Variants in KCNAB1 observed in about 807,000 individuals in gnomAD.
KCNAB1 encodes potassium voltage-gated channel subfamily A regulatory beta subunit 1.
KCNAB1 carries 35 observed loss-of-function variants against 64.6 expected under a neutral mutation model. The observed-to-expected ratio is 0.54, with a 90% CI of 0.41 to 0.72. KCNAB1 has a LOEUF of 0.72. Ranked by LOEUF, KCNAB1 falls within the 30% of genes least tolerant of loss-of-function variation. KCNAB1 has a pLI of 0.00. For missense variants in KCNAB1, 401 were observed against 512.9 expected, an observed-to-expected ratio of 0.78 and a Z score of 2.11; for synonymous variants, 177 against 183.8, an observed-to-expected ratio of 0.96 and a Z score of 0.30.
At chr3:156,382,046 A>G (rs1712199542) in intron 1 of KCNAB1, 1 of 152,110 alleles carries the variant, frequency 6.6e-6, no homozygotes, top group South Asian at 2.1e-4. Flanking sequence ...GTGTGGCCCT[A>G]GGTACAATAG....
At chr3:156,231,646 C>G (rs1000895016) in intron 1 of KCNAB1, among the ~76,000 whole-genome samples, 1 of 151,826 alleles carries the variant, frequency 6.6e-6, no homozygotes, top group Non-Finnish European at 1.5e-5. Context: ...CGCTCTCTCT[C>G]TGAAGTCCGC....
intron 1 of KCNAB1, among the ~76,000 whole-genome samples, chr3:156,414,369 C>A (rs147122125): frequency 9.1e-4 from 138 of 152,082 alleles, no homozygotes; most frequent in African/African-American, 2.8e-3. Flanking sequence ...ATGTAAAAAC[C>A]AAATCTGTGA....
intron 1 of KCNAB1, among the ~76,000 whole-genome samples, chr3:156,396,129 C>G (rs1713446593): frequency 6.6e-6 from 1 of 152,180 alleles, no homozygotes; most frequent in Admixed American, 6.5e-5. Flanking sequence ...GGCTTAAGAA[C>G]ACTCCTGTTT....
intron 1 of KCNAB1, among the ~76,000 whole-genome samples, chr3:156,157,333 A>T (rs986919047): frequency 6.6e-6 from 1 of 152,224 alleles, no homozygotes; most frequent in African/African-American, 2.4e-5. Context: ...ACTTATGAAC[A>T]TATAGAAAAA....
chr3:156,122,093 A>C (rs11716256), intron 1 of KCNAB1, among the ~76,000 whole-genome samples: 79,879 of 152,018 alleles, frequency 0.53, 22,538 homozygotes, highest in East Asian at 0.7. Context: ...TATGAAATAC[A>C]TTTGGTATTC....
intron 1 of KCNAB1, among the ~76,000 whole-genome samples, chr3:156,244,424 A>T (rs1329941149): frequency 1.3e-5 from 2 of 152,230 alleles, no homozygotes; most frequent in Non-Finnish European, 2.9e-5. Flanking sequence ...GATCCTTAAC[A>T]TAATTACACC....
intron 7 of KCNAB1, among the ~76,000 whole-genome samples, chr3:156,471,157 A>G (rs1295838599): frequency 1.3e-5 from 2 of 152,198 alleles, no homozygotes; most frequent in Admixed American, 1.3e-4. Context: ...TCTCCAAACT[A>G]CTGATTTCCT....
intron 11 of KCNAB1, among the ~76,000 whole-genome samples, chr3:156,523,575 A>G (rs1379695023): frequency 1.3e-5 from 2 of 152,208 alleles, no homozygotes; most frequent in Non-Finnish European, 2.9e-5. Context: ...GGTCAGGGTT[A>G]TAACAACTTC....
At chr3:156,198,956 C>G (rs1211056980) in intron 1 of KCNAB1, among the ~76,000 whole-genome samples, 1 of 76,318 alleles carries the variant, frequency 1.3e-5, no homozygotes, top group African/African-American at 6.0e-5. Context: ...TGGCTGCTAC[C>G]AGTTTTTCCT....
chr3:156,369,079 C>G (rs1007177213), intron 1 of KCNAB1, among the ~76,000 whole-genome samples: 1 of 152,178 alleles, frequency 6.6e-6, no homozygotes, highest in African/African-American at 2.4e-5. Context: ...CACTGCCTCC[C>G]TAGAAGATTT....
chr3:156,515,051 C>G (rs775222861), intron 9 of KCNAB1, 49 bp from the exon 10 acceptor site: 6 of 1,527,852 alleles, frequency 3.9e-6, no homozygotes, highest in South Asian at 2.6e-5. Flanking sequence ...TACAGCGAAG[C>G]CTTATTTCTC....
At chr3:156,490,872 A>C (rs138681435) in intron 8 of KCNAB1, among the ~76,000 whole-genome samples, 2 of 152,234 alleles carry the variant, frequency 1.3e-5, no homozygotes, top group African/African-American at 4.8e-5. Flanking sequence ...GTGAATAGAG[A>C]TTGACGCAAA....
chr3:156,475,694 C>T (rs751984284), intron 8 of KCNAB1, among the ~76,000 whole-genome samples: 4 of 152,118 alleles, frequency 2.6e-5, no homozygotes, highest in Admixed American at 1.3e-4. Context: ...TAACTTTGTC[C>T]TTGATGATTC....
rs908582865 is a variant in KCNAB1 at position 156,473,003 on chromosome 3, C to T, written c.572-1731C>T. 7.9e-5 allele frequency among the ~76,000 whole-genome samples: 12 copies of T among 152,272 alleles called. No individual in the cohort carries two copies. In the East Asian group the frequency reaches 1.5e-3, roughly 20 times the overall value. On this transcript the variant is annotated intron_variant, in intron 7 of 13. Coordinates refer to ENST00000490337, the MANE Select transcript of KCNAB1 (RefSeq NM_172160.3). Reference sequence around the variant, plus strand: ...CCACACTGAGCTGTTTAGAAGAGAACGGAGAGAGAGGGCCATTGTCAGAAA... The same window carrying T: ...CCACACTGAGCTGTTTAGAAGAGAATGGAGAGAGAGGGCCATTGTCAGAAA...
At chr3:156,503,775 G>C (rs1190810172) in intron 8 of KCNAB1, among the ~76,000 whole-genome samples, 18 of 152,060 alleles carry the variant, frequency 1.2e-4, no homozygotes, top group Non-Finnish European at 4.4e-5. Context: ...ATTATTTTTA[G>C]TTGACACATA....
chr3:156,454,857 C>G (rs1414478289), intron 3 of KCNAB1, among the ~76,000 whole-genome samples: 3 of 152,192 alleles, frequency 2.0e-5, no homozygotes, highest in Non-Finnish European at 4.4e-5. Flanking sequence ...CTTCACTCTC[C>G]TCTTCACAGT....
At chr3:156,190,713 A>G (rs1713509899) in intron 1 of KCNAB1, among the ~76,000 whole-genome samples, 1 of 152,108 alleles carries the variant, frequency 6.6e-6, no homozygotes, top group Non-Finnish European at 1.5e-5. Flanking sequence ...TTTTTTGGAA[A>G]CAGAGTCTCG....
At chr3:156,359,686 A>C (rs922353566) in intron 1 of KCNAB1, among the ~76,000 whole-genome samples, 1 of 152,194 alleles carries the variant, frequency 6.6e-6, no homozygotes, top group Non-Finnish European at 1.5e-5. Context: ...TGTCATCTGT[A>C]AGTGATCAGG....
At chr3:156,174,014 A>C (rs750668794) in intron 1 of KCNAB1, among the ~76,000 whole-genome samples, 2 of 152,192 alleles carry the variant, frequency 1.3e-5, no homozygotes, top group Non-Finnish European at 2.9e-5. Flanking sequence ...TCAGACTCGT[A>C]CTGGAACAAC....
Sources: gnomAD v4.1 joint callset for allele counts (sites outside exome capture counted in the v4.1 genomes callset) on GRCh38, gnomAD v4.1.1 for gene constraint, MANE v1.5 for transcripts, NCBI Gene and HGNC (gene_info 2026-07-23, HGNC 2026-07-21) for gene names.